CRAT: variants seen among roughly 807,000 people sequenced by gnomAD.
CRAT encodes carnitine O-acetyltransferase, also known as carnitine acetylase.
In CRAT, 66 loss-of-function variants were observed where a neutral mutation model predicts 73.7. The ratio of observed to expected loss-of-function variants is 0.90; its 90% confidence interval spans 0.73 to 1.10. The LOEUF is 1.10. CRAT is among the 50% of genes least tolerant of loss of function. The pLI, the probability that CRAT is intolerant of heterozygous loss-of-function variation, is 0.00. For missense variants in CRAT, 745 were observed against 846.9 expected (o/e 0.88, Z 1.49); for synonymous variants, 321 against 343.2 (o/e 0.94, Z 0.71).
At chr9:129,109,755 GAC>G (rs1022304673) in intron 1 of CRAT, among the ~76,000 whole-genome samples, 11 of 152,178 alleles carry the variant, frequency 7.2e-5, no homozygotes, top group African/African-American at 2.7e-4. Flanking sequence ...GTGTGTCTGA[GAC>G]AGAGTGAGAC....
rs1196050218 is a variant in CRAT, at chr9:129,107,789, T to G, written c.291+25A>C. On this transcript the variant is annotated intron_variant, in intron 2 of 13. Transcript: ENST00000318080. This position sits in a 1 kb window ranked among gnomAD's most constrained non-coding sequence, Gnocchi z 5.0. The stretch of plus-strand genomic sequence containing the variant: ...CTGTGCATGTGCAGCCAGCAGCAGG[T>G]CACAGTGAGGATGCCCTCACTCACC... 2 of 1,612,924 alleles carry G rather than the reference T, an allele frequency of 1.2e-6. No individual in the cohort carries two copies. The highest frequency in any genetic ancestry group is 2.7e-5 in the African/African-American group (2 of 74,884).
In CRAT at chr9:129,110,390, G is replaced by T; in HGVS notation, c.27+93C>A. ...CATCAGCTGGAGGCCGGGTCGAACA[G>T]CGGCCGCAGGACGCGGTCTCCGTTC... On this transcript the variant is annotated intron_variant, in intron 1 of 13. Transcript: ENST00000318080. The surrounding 1 kb of genome is among the most constrained non-coding windows in gnomAD (Gnocchi z 5.3). 1 of 1,338,824 alleles carries T rather than the reference G, an allele frequency of 7.5e-7. No individual in the cohort carries two copies. Among genetic ancestry groups the T allele is most frequent in the Non-Finnish European group, 9.9e-7 (1 of 1,013,376 alleles). The allele number at this position is 1,338,824 out of a possible 1,614,324, so 82.9% of individuals were successfully genotyped here.
At position 129,095,063 on chromosome 9, in the gene CRAT, C is replaced by T. The variant is rs1019028508; in HGVS notation, c.*334G>A. ...AGTGGCCGGGGCTGAGCTGGTGAGA[C>T]AAAGAGCTCTTGCCAGTCTCCTGCT... On this transcript the variant is annotated 3_prime_UTR_variant, in exon 14 of 14. Coordinates refer to ENST00000318080, the MANE Select transcript of CRAT (RefSeq NM_000755.5). The T allele has an allele frequency of 2.7e-6, 1 of 368,610 alleles. No homozygotes were observed. Among genetic ancestry groups the T allele is most frequent in the Non-Finnish European group, 5.1e-6 (1 of 197,546 alleles). The allele number at this position is 368,610 out of a possible 1,614,324, so 22.8% of individuals were successfully genotyped here. A position where few individuals can be genotyped will look rare whatever the true frequency, so the allele number is the denominator to read the frequency against.
chr9:129,109,099 G>A, intron 1 of CRAT: 2 of 1,294,338 alleles, frequency 1.5e-6, no homozygotes, highest in South Asian at 2.5e-5. Flanking sequence ...CAGTAGAAGG[G>A]AACCTGGAAA....
chr9:129,107,439 G>A lies in CRAT; in HGVS notation c.291+375C>T, dbSNP rs1219255269. 1.7e-6 allele frequency: 1 copy of A among 595,006 alleles called. No individual in the cohort carries two copies. The highest frequency in any genetic ancestry group is 3.0e-6 in the Non-Finnish European group (1 of 333,012). 36.9% of individuals were successfully genotyped at this position (595,006 alleles called of 1,614,324 possible). A position where few individuals can be genotyped will look rare whatever the true frequency, so the allele number is the denominator to read the frequency against. ...CTGGGTACACCTGTGTCATAGATCA[G>A]ATACAGAACCTGGGCGATCGGTCAC... On this transcript the variant is annotated intron_variant, in intron 2 of 13. Transcript: ENST00000318080. This position sits in a 1 kb window ranked among gnomAD's most constrained non-coding sequence, Gnocchi z 5.0.
intron 3 of CRAT, 30 bp downstream of exon 3, chr9:129,104,158 C>A: frequency 6.5e-7 from 1 of 1,549,996 alleles, no homozygotes; most frequent in Non-Finnish European, 8.8e-7. Flanking sequence ...GGCCCGGCTG[C>A]CTCCTGGCCC....
Position 129,095,543 on chromosome 9 carries a change from T to TA in CRAT, c.1734dup (p.Asn579Ter). On this transcript the variant is annotated frameshift_variant, in exon 14 of 14. Coordinates refer to ENST00000318080, the MANE Select transcript of CRAT (RefSeq NM_000755.5). LOFTEE classifies it high-confidence loss of function. Reference sequence around the variant, plus strand: ...AAGTTGATGTGGGCCTCCATGGGGTTATAGCAGACACCGTAGCCGTCGGGG... The same window carrying TA: ...AAGTTGATGTGGGCCTCCATGGGGTTAATAGCAGACACCGTAGCCGTCGGGG... 2 of 1,613,468 alleles carry TA rather than the reference T, an allele frequency of 1.2e-6. No homozygotes were observed. The highest frequency in any genetic ancestry group is 8.5e-7 in the Non-Finnish European group (1 of 1,179,988).
chr9:129,100,563 C>G lies in CRAT; in HGVS notation c.932G>C (p.Gly311Ala). 6.2e-7 allele frequency: 1 copy of G among 1,613,924 alleles called. No homozygotes were observed. Among genetic ancestry groups the G allele is most frequent in the Non-Finnish European group, 8.5e-7 (1 of 1,179,984 alleles). Residue 311 changes from glycine (G) to alanine (A), a missense_variant, in exon 7 of 14, where the codon GGG becomes GCG. By Grantham distance (60) the Gly-to-Ala change is moderately conservative. Transcript: ENST00000318080. ...GCCGCTGTTGAGCCTGCTGCCGCCC[C>G]CATGCAGCATCTGGCCTGCCACGTG... ...RSHVAGQMLH[G>A]GGSRLNSGNR... is the part of the protein sequence containing the mutation.
intron 1 of CRAT, chr9:129,108,595 G>A: frequency 9.5e-7 from 1 of 1,055,654 alleles, no homozygotes; most frequent in Non-Finnish European, 1.2e-6. Context: ...GGGCAGGGGT[G>A]GGGTGAGGGC....
Position 129,110,640 on chromosome 9 carries a change from C to A in CRAT, c.-131G>T. The A allele has an allele frequency of 8.7e-7, 1 of 1,144,336 alleles. No homozygotes were observed. Among genetic ancestry groups the A allele is most frequent in the South Asian group, 1.8e-5 (1 of 54,538 alleles). 70.9% of individuals were successfully genotyped at this position (1,144,336 alleles called of 1,614,324 possible). A position where few individuals can be genotyped will look rare whatever the true frequency, so the allele number is the denominator to read the frequency against. On this transcript the variant is annotated 5_prime_UTR_variant, in exon 1 of 14. Coordinates refer to ENST00000318080, the MANE Select transcript of CRAT (RefSeq NM_000755.5). This position sits in a 1 kb window ranked among gnomAD's most constrained non-coding sequence, Gnocchi z 5.3. ...TCGGGCCAAGGTCGCTGAGTTACAG[C>A]CGCCAGCCGGTAGAGGCAGCCCCGC...
rs1163725432 is a variant in CRAT, at chr9:129,106,221, C to G, written c.291+1593G>C. On this transcript the variant is annotated intron_variant, in intron 2 of 13. Transcript: ENST00000318080. The surrounding 1 kb of genome is among the most constrained non-coding windows in gnomAD (Gnocchi z 4.0). ...GACTGGTAGCCCCTAAGAACTGGGT[C>G]CCTGAGTCAGTCAGACCTTCCTGTG... Among the ~76,000 whole-genome samples the G allele has an allele frequency of 2.0e-5, 3 of 152,142 alleles. No homozygotes were observed. Among genetic ancestry groups the G allele is most frequent in the African/African-American group, 7.2e-5 (3 of 41,428 alleles).
chr9:129,099,842 G>C, intron 8 of CRAT, 24 bp downstream of exon 8: 1 of 1,567,212 alleles, frequency 6.4e-7, no homozygotes, highest in Non-Finnish European at 8.8e-7. Flanking sequence ...TGGGGAACTA[G>C]GCGAGAGATG....
At chr9:129,102,875 C>T in intron 4 of CRAT, 138 bp downstream of exon 4, 1 of 859,542 alleles carries the variant, frequency 1.2e-6, no homozygotes, top group Middle Eastern at 3.1e-4. Context: ...GGGTCACCCA[C>T]CAAGAGGAGA....
At chr9:129,097,806 T>C in intron 11 of CRAT, 1 of 684,834 alleles carries the variant, frequency 1.5e-6, no homozygotes, top group Admixed American at 3.0e-5. Flanking sequence ...TGCCAATGAA[T>C]AAATGAATGA....
At position 129,096,382 on chromosome 9, in the gene CRAT, C is replaced by T. The variant is rs191447961; in HGVS notation, c.1528-247G>A. On this transcript the variant is annotated intron_variant, in intron 12 of 13. Transcript: ENST00000318080. ...AGGGCAGGGCCCTGGAGCTGGGTGA[C>T]CTAGCCCCATCCTGGCTGCAGGGCC... 4.7e-4 allele frequency among the ~76,000 whole-genome samples: 72 copies of T among 152,354 alleles called. No homozygotes were observed. The East Asian group carries it at 0.014, about 29-fold the overall frequency.
intron 2 of CRAT, 55 bp from the exon 3 acceptor site, chr9:129,104,361 G>T: frequency 7.1e-7 from 1 of 1,415,600 alleles, no homozygotes; most frequent in Non-Finnish European, 1.0e-6. Flanking sequence ...GGTGCCCCCT[G>T]TTCCCCAGGG....
At chr9:129,100,993 C>T (rs1386583052) in intron 6 of CRAT, among the ~76,000 whole-genome samples, 2 of 152,212 alleles carry the variant, frequency 1.3e-5, no homozygotes, top group African/African-American at 4.8e-5. Context: ...GGTGTGGCAG[C>T]CGGGGAACCC....
At position 129,099,917 on chromosome 9, in the gene CRAT, G is replaced by A. The variant is rs372158097; in HGVS notation, c.1034C>T (p.Ala345Val). The change falls in exon 8 of 14, where the codon GCA (alanine) becomes GTA (valine). Residue 345 changes from alanine to valine, a missense_variant. Transcript: ENST00000318080. ...GGTGACAATAGGGGGCCCCTCCGCT[G>A]CAGCATGCTCGTACACAAGCCCACA... ...GSCGLVYEHA[A>V]AEGPPIVTLL... is the part of the protein sequence containing the mutation. 4.3e-5 allele frequency: 70 copies of A among 1,613,630 alleles called. No individual in the cohort carries two copies. The highest frequency in any genetic ancestry group is 1.6e-4 in the Middle Eastern group (1 of 6,084).
intron 5 of CRAT, 33 bp from the exon 6 acceptor site, chr9:129,102,090 C>T (rs1847709659): frequency 6.2e-7 from 1 of 1,603,872 alleles, no homozygotes; most frequent in African/African-American, 1.3e-5. Flanking sequence ...GAGGAGGGAG[C>T]TGAGTGGGGA....
Sources: gnomAD v4.1 joint callset for allele counts (sites outside exome capture counted in the v4.1 genomes callset) on GRCh38, gnomAD v4.1.1 for gene constraint, Gnocchi (gnomAD v3.1) non-coding constraint, MANE v1.5 for transcripts, NCBI Gene and HGNC (gene_info 2026-07-23, HGNC 2026-07-21) for gene names.